MADD: variants seen among roughly 807,000 people sequenced by gnomAD.
The protein encoded by MADD is MAP kinase activating death domain, also known as MAP kinase-activating death domain protein.
MADD carries 109 observed loss-of-function variants against 176.7 expected under a neutral mutation model. That is an observed-to-expected ratio of 0.62 (90% CI 0.53 to 0.72). The LOEUF (loss-of-function observed/expected upper bound fraction) is 0.72. Among genes scored for constraint, MADD ranks in the 30% least tolerant of loss-of-function variants. MADD has a pLI of 0.00. For missense variants in MADD, 1,914 were observed against 2,045.5 expected (o/e 0.94, Z 1.24); for synonymous variants, 771 against 771.3 (o/e 1.00, Z 0.01).
rs2059259221 is a variant in MADD at position 47,284,501 on chromosome 11, T to C, written c.2093T>C (p.Leu698Pro). The stretch of plus-strand genomic sequence containing the variant: ...GAGAACTCTCAGGAAAACCCCCCAC[T>C]GCGCTCCAGCTCTAGCACCACAGCC... Residue 698 changes from leucine to proline, a missense_variant, in exon 12 of 33, where the codon CTG becomes CCG. Around this residue, in one of 2 missense-constraint regions of MADD, gnomAD observed 1,767 missense variants for 1,836.0 expected, o/e 0.96. Transcript: ENST00000402192. 2.5e-6 allele frequency: 4 copies of C among 1,614,056 alleles called. No individual in the cohort carries two copies. The East Asian group carries it at 6.7e-5, about 27-fold the overall frequency.
Position 47,282,457 on chromosome 11 carries a change from T to TAC in MADD, c.1546_1547insAC (p.Phe516TyrfsTer7). 6.2e-7 allele frequency: 1 copy of TAC among 1,614,200 alleles called. No individual in the cohort carries two copies. ...GATGCACACGCGTACCCTGCGCCTC[T>TAC]TTCCTCGGCCTGTGGTAGCTTTTCA... On this transcript the variant is annotated frameshift_variant, in exon 9 of 33. Transcript: ENST00000402192. LOFTEE classifies it high-confidence loss of function.
intron 22 of MADD, among the ~76,000 whole-genome samples, chr11:47,300,822 C>A (rs1254125817): frequency 6.6e-6 from 1 of 152,094 alleles, no homozygotes; most frequent in African/African-American, 2.4e-5. Context: ...ATTACAGATT[C>A]AATCTCATTA....
intron 22 of MADD, among the ~76,000 whole-genome samples, chr11:47,297,746 A>G (rs2074028022): frequency 1.4e-5 from 2 of 143,360 alleles, no homozygotes; most frequent in African/African-American, 5.2e-5. Flanking sequence ...GCTCCCGGCC[A>G]AGGGTTTTCA....
At chr11:47,306,678 A>G (rs554232247) in intron 22 of MADD, among the ~76,000 whole-genome samples, 21 of 152,016 alleles carry the variant, frequency 1.4e-4, no homozygotes, top group South Asian at 1.2e-3. Flanking sequence ...TCTGTTCTCT[A>G]TGTGGCCATC....
At chr11:47,269,676 C>G (rs1455560220), upstream of MADD, 1 of 151,718 alleles carries the variant, frequency 6.6e-6, no homozygotes, top group Non-Finnish European at 1.5e-5. Flanking sequence ...CCTCTGCCCC[C>G]GCTGCCCAGG....
chr11:47,289,355 T>C, intron 15 of MADD, 36 bp from the exon 17 acceptor site: 3 of 1,521,922 alleles, frequency 2.0e-6, no homozygotes, highest in Non-Finnish European at 2.7e-6. Flanking sequence ...TGTACTACAA[T>C]AGTGATGTCT....
chr11:47,323,141 G>C (rs2094793911), intron 27 of MADD, among the ~76,000 whole-genome samples: 1 of 151,880 alleles, frequency 6.6e-6, no homozygotes, highest in African/African-American at 2.4e-5. Context: ...GGGAGGCTGA[G>C]GCAGGAGAAT....
chr11:47,312,564 C>T (rs1418651278), intron 26 of MADD, among the ~76,000 whole-genome samples: 1 of 152,164 alleles, frequency 6.6e-6, no homozygotes, highest in East Asian at 1.9e-4. Flanking sequence ...GTAGCTGAAG[C>T]TCCTGAGGTT....
chr11:47,290,780 A>C, exon 19 of MADD: 1 of 1,613,394 alleles, frequency 6.2e-7, no homozygotes, highest in South Asian at 1.1e-5. Context: ...ACTGGACACC[A>C]GAAGTTTAAA....
At chr11:47,285,510 C>T in exon 14 of MADD, 5 of 1,614,160 alleles carry the variant, frequency 3.1e-6, no homozygotes, top group Non-Finnish European at 4.2e-6. Context: ...GATGCAGAGT[C>T]AGACTCTCGG....
chr11:47,269,828 T>G (rs1459158848), upstream of MADD: 1 of 152,020 alleles, frequency 6.6e-6, no homozygotes, highest in Admixed American at 6.5e-5. Context: ...GAAGTGACTT[T>G]CAGAGGAATC....
intron 19 of MADD, among the ~76,000 whole-genome samples, chr11:47,291,204 G>T (rs1306673081): frequency 2.6e-5 from 4 of 152,158 alleles, no homozygotes; most frequent in Admixed American, 6.5e-5. Context: ...TGACATTTGT[G>T]TCTCTGAAGC....
At chr11:47,292,403 T>C in intron 19 of MADD, 140 bp from the exon 21 acceptor site, 1 of 747,194 alleles carries the variant, frequency 1.3e-6, no homozygotes, top group Non-Finnish European at 2.4e-6. Flanking sequence ...CTTCTCCCCA[T>C]GAAGATATCT....
intron 5 of MADD, 51 bp downstream of exon 5, chr11:47,276,914 G>T: frequency 6.2e-7 from 1 of 1,602,224 alleles, no homozygotes; most frequent in Non-Finnish European, 8.5e-7. Context: ...TCCTGAGGGA[G>T]GAGGCTTAAT....
chr11:47,296,570 CA>C (rs1284349509), intron 22 of MADD, among the ~76,000 whole-genome samples: 2 of 152,046 alleles, frequency 1.3e-5, no homozygotes, highest in Non-Finnish European at 2.9e-5. Context: ...GCTAAAGAAA[CA>C]GGGATGAAAA....
At chr11:47,327,084 C>T (rs1057479741) in intron 31 of MADD, 16 of 1,161,466 alleles carry the variant, frequency 1.4e-5, no homozygotes, top group Non-Finnish European at 1.6e-5. Context: ...ACCACCTCCC[C>T]GTGCTGGGCC....
chr11:47,323,624 G>T, intron 27 of MADD, 47 bp from the exon 31 acceptor site: 1 of 1,598,096 alleles, frequency 6.3e-7, no homozygotes, highest in Non-Finnish European at 8.6e-7. Flanking sequence ...TCTAGGGAGA[G>T]GCTGTCAGAG....
intron 28 of MADD, 54 bp from the exon 32 acceptor site, chr11:47,324,211 G>C: frequency 6.5e-7 from 1 of 1,536,844 alleles, no homozygotes; most frequent in Non-Finnish European, 9.0e-7. Flanking sequence ...AGAGCAGTGG[G>C]TGGGGAACCC....
rs771763428 is a variant in MADD, at chr11:47,274,573, A to G, written c.73A>G (p.Ser25Gly). ...CTTTATGTTCTTCAGGCACCCGAGC[A>G]GTGATAGCGTGGCCCAGACTCCTGA... is the stretch of plus-strand genomic sequence containing the variant. The change falls in exon 3 of 33, where the codon AGT becomes GGT. Residue 25 changes from serine to glycine, a missense_variant. By Grantham distance (56) the Ser-to-Gly change is moderately conservative. Transcript: ENST00000402192. 1.9e-6 allele frequency: 3 copies of G among 1,607,274 alleles called. No individual in the cohort carries two copies. The highest frequency in any genetic ancestry group is 2.6e-6 in the Non-Finnish European group (3 of 1,174,232).
Sources: allele counts gnomAD v4.1 joint callset (sites outside exome capture counted in the v4.1 genomes callset), GRCh38; gene constraint gnomAD v4.1.1; regional missense constraint gnomAD v4.1.1; transcripts MANE v1.5; gene names NCBI Gene and HGNC (gene_info 2026-07-23, HGNC 2026-07-21).